The following IMMP2L variants were observed in gnomAD, a reference collection of about 807,000 sequenced individuals.
IMMP2L encodes mitochondrial inner membrane protease subunit 2.
In IMMP2L, 18 loss-of-function variants were observed where a neutral mutation model predicts 19.3. The observed-to-expected ratio is 0.93, with a 90% CI of 0.64 to 1.38. IMMP2L has a LOEUF of 1.38. Among genes scored for constraint, IMMP2L ranks in the 40% most tolerant of loss-of-function variants. The probability of loss-of-function intolerance (pLI) is 0.00; values close to 1 mark genes in which losing one functional copy is unlikely to be tolerated. For missense variants in IMMP2L, 233 were observed against 218.2 expected, an observed-to-expected ratio of 1.07 and a Z score of -0.43; for synonymous variants, 76 against 73.0, an observed-to-expected ratio of 1.04 and a Z score of -0.21.
chr7:110,974,329 T>C (rs1236910797), intron 3 of IMMP2L, among the ~76,000 whole-genome samples: 1 of 152,074 alleles, frequency 6.6e-6, no homozygotes, highest in African/African-American at 2.4e-5. Context: ...ATGAAATATG[T>C]GGGATCTAAT....
chr7:110,739,407 AG>A (rs532255554), intron 5 of IMMP2L, among the ~76,000 whole-genome samples: 34 of 152,330 alleles, frequency 2.2e-4, no homozygotes, highest in African/African-American at 8.2e-4. Flanking sequence ...AGCAAGCAGG[AG>A]TAGCTATTCT....
chr7:110,672,016 A>T (rs1791955207), intron 5 of IMMP2L, among the ~76,000 whole-genome samples: 1 of 152,184 alleles, frequency 6.6e-6, no homozygotes, highest in South Asian at 2.1e-4. Context: ...GCTGAAAAAA[A>T]CAAAACAAAA....
At chr7:111,153,880 C>T (rs1295590482) in intron 3 of IMMP2L, among the ~76,000 whole-genome samples, 1 of 152,040 alleles carries the variant, frequency 6.6e-6, no homozygotes, top group Admixed American at 6.6e-5. Flanking sequence ...TCCCTAACTG[C>T]ACACCCCATT....
At position 110,703,245 on chromosome 7, in the gene IMMP2L, GA is replaced by G. The variant is rs1214939365; in HGVS notation, c.409-39525del. Among the ~76,000 whole-genome samples, 5 of 152,088 alleles carry G rather than the reference GA, an allele frequency of 3.3e-5. No individual in the cohort carries two copies. The East Asian group carries it at 9.6e-4, about 29-fold the overall frequency. On this transcript the variant is annotated intron_variant, in intron 5 of 5. Transcript: ENST00000405709. ...GTTAATATAAGTTACACTGACTTTT[GA>G]AAGTTAAACACCCTTGCATTCCAGA...
intron 5 of IMMP2L, among the ~76,000 whole-genome samples, chr7:110,675,311 C>T (rs112600184): frequency 0.031 from 4,772 of 152,206 alleles, 84 homozygotes; most frequent in South Asian, 0.064. Flanking sequence ...CAGGCCCCAA[C>T]TTAATTCAAA....
chr7:111,500,579 A>G (rs1435059662), intron 2 of IMMP2L, among the ~76,000 whole-genome samples: 25 of 152,176 alleles, frequency 1.6e-4, no homozygotes, highest in Admixed American at 1.6e-3. Flanking sequence ...CTGACACCTC[A>G]CATGGCCGGG....
At chr7:111,540,194 C>T (rs1014296746) in intron 1 of IMMP2L, among the ~76,000 whole-genome samples, 6 of 152,088 alleles carry the variant, frequency 3.9e-5, no homozygotes, top group African/African-American at 1.4e-4. Flanking sequence ...TAGCTATTTT[C>T]GCAATCTAGA....
intron 3 of IMMP2L, among the ~76,000 whole-genome samples, chr7:111,440,000 C>T (rs997865642): frequency 1.3e-5 from 2 of 151,882 alleles, no homozygotes; most frequent in Admixed American, 6.6e-5. Flanking sequence ...AGCACCTCCT[C>T]ATCCGTTCAA....
intron 3 of IMMP2L, among the ~76,000 whole-genome samples, chr7:111,162,339 G>A (rs1205699179): frequency 1.3e-5 from 2 of 151,926 alleles, no homozygotes; most frequent in Non-Finnish European, 2.9e-5. Context: ...ATTTATTCCT[G>A]AACTCATCTC....
At chr7:110,923,048 G>A (rs1490982447) in intron 4 of IMMP2L, among the ~76,000 whole-genome samples, 1 of 151,996 alleles carries the variant, frequency 6.6e-6, no homozygotes, top group Non-Finnish European at 1.5e-5. Context: ...TCGTGCCTAT[G>A]GCTAGGCCCC....
At chr7:111,345,021 C>T (rs905990569) in intron 3 of IMMP2L, among the ~76,000 whole-genome samples, 1 of 152,052 alleles carries the variant, frequency 6.6e-6, no homozygotes, top group Non-Finnish European at 1.5e-5. Flanking sequence ...AGTAGTAAAA[C>T]TGACAGGGCA....
chr7:111,095,278 C>T (rs1797284148), intron 3 of IMMP2L, among the ~76,000 whole-genome samples: 1 of 151,858 alleles, frequency 6.6e-6, no homozygotes, highest in Non-Finnish European at 1.5e-5. Flanking sequence ...TAATGTAATA[C>T]ATTATACTTT....
intron 5 of IMMP2L, among the ~76,000 whole-genome samples, chr7:110,677,595 C>T (rs1300127799): frequency 6.6e-6 from 1 of 152,080 alleles, no homozygotes. Context: ...GATATGCACT[C>T]AAAGACAACC....
At chr7:110,910,195 A>C (rs1010838072) in intron 4 of IMMP2L, among the ~76,000 whole-genome samples, 1 of 152,176 alleles carries the variant, frequency 6.6e-6, no homozygotes, top group Non-Finnish European at 1.5e-5. Context: ...AAGCAGCATA[A>C]ATGCAACAGA....
intron 5 of IMMP2L, among the ~76,000 whole-genome samples, chr7:110,819,397 A>G (rs1323311768): frequency 1.3e-5 from 2 of 152,076 alleles, no homozygotes; most frequent in African/African-American, 2.4e-5. Context: ...ACTGTGATGC[A>G]TATATTTTGG....
In IMMP2L at chr7:110,889,369, G is replaced by A. The variant is rs188681794; in HGVS notation, c.306-2674C>T. On this transcript the variant is annotated intron_variant, in intron 4 of 5. Coordinates refer to ENST00000405709, the MANE Select transcript of IMMP2L (RefSeq NM_032549.4). ...TAACTAGATGGTTCCCTCTGGGGGT[G>A]ATGGGAGATAGTGACAGATCATCAG... 3.5e-4 allele frequency among the ~76,000 whole-genome samples: 53 copies of A among 152,294 alleles called. No individual in the cohort carries two copies. In the East Asian group the frequency reaches 7.9e-3, roughly 23 times the overall value.
At chr7:111,508,292 T>C (rs770174390) in intron 2 of IMMP2L, among the ~76,000 whole-genome samples, 1 of 151,506 alleles carries the variant, frequency 6.6e-6, no homozygotes, top group East Asian at 1.9e-4. Flanking sequence ...AAAAATAAAA[T>C]TAAAAAAGTT....
At chr7:111,049,019 A>G (rs1456895626) in intron 3 of IMMP2L, among the ~76,000 whole-genome samples, 2 of 151,626 alleles carry the variant, frequency 1.3e-5, no homozygotes, top group African/African-American at 4.9e-5. Flanking sequence ...AATATATACC[A>G]TTTTATCTGA....
chr7:110,797,187 C>T (rs1335444529), intron 5 of IMMP2L, among the ~76,000 whole-genome samples: 2 of 151,312 alleles, frequency 1.3e-5, no homozygotes, highest in Non-Finnish European at 1.5e-5. Flanking sequence ...GCTTCTGTCT[C>T]AGAAAATAAA....
Sources: gnomAD v4.1 joint callset for allele counts (sites outside exome capture counted in the v4.1 genomes callset) on GRCh38, gnomAD v4.1.1 for gene constraint, MANE v1.5 for transcripts, NCBI Gene and HGNC (gene_info 2026-07-23, HGNC 2026-07-21) for gene names.